FMNL2: variants seen among roughly 807,000 people sequenced by gnomAD.
The protein encoded by FMNL2 is formin like 2.
In FMNL2, 51 loss-of-function variants were observed where a neutral mutation model predicts 130.2. The ratio of observed to expected loss-of-function variants is 0.39; its 90% CI spans 0.31 to 0.49. FMNL2 has a LOEUF of 0.49. FMNL2 is among the 20% of genes least tolerant of loss of function. The pLI is 0.85. For synonymous variants in FMNL2, 465 were observed against 467.1 expected, an observed-to-expected ratio of 1.00 and a Z score of 0.06; for missense variants, 977 against 1,316.2, an observed-to-expected ratio of 0.74 and a Z score of 3.99.
In FMNL2 at chr2:152,631,454, A is replaced by C. The variant is rs553321631; in HGVS notation, c.2551-554A>C. Reference sequence around the variant, plus strand: ...TAAAACACGTTACTTGAACACAAACACTGCAATAGGCGGCAGTTAACCTGA... The same window carrying C: ...TAAAACACGTTACTTGAACACAAACCCTGCAATAGGCGGCAGTTAACCTGA... On this transcript the variant is annotated intron_variant, in intron 20 of 25. Coordinates refer to ENST00000288670, the MANE Select transcript of FMNL2 (RefSeq NM_052905.4). 2.0e-5 allele frequency among the ~76,000 whole-genome samples: 3 copies of C among 151,844 alleles called. No homozygotes were observed. In the South Asian group the frequency reaches 6.2e-4, roughly 32 times the overall value.
intron 1 of FMNL2, among the ~76,000 whole-genome samples, chr2:152,373,818 C>T (rs1193026560): frequency 1.3e-5 from 2 of 151,312 alleles, no homozygotes; most frequent in Non-Finnish European, 2.9e-5. Flanking sequence ...TTTAAACTCT[C>T]AGAAATCTGG....
intron 1 of FMNL2, among the ~76,000 whole-genome samples, chr2:152,469,341 C>T (rs1689730390): frequency 6.6e-6 from 1 of 152,204 alleles, no homozygotes; most frequent in South Asian, 2.1e-4. Flanking sequence ...CTCTGCATTG[C>T]CTTGGGACAC....
intron 1 of FMNL2, among the ~76,000 whole-genome samples, chr2:152,472,956 T>C (rs1238982876): frequency 6.6e-6 from 1 of 152,220 alleles, no homozygotes; most frequent in African/African-American, 2.4e-5. Flanking sequence ...GGCACTGTGA[T>C]GGCACATGGT....
intron 1 of FMNL2, among the ~76,000 whole-genome samples, chr2:152,448,002 G>C (rs1255812906): frequency 1.3e-5 from 2 of 152,110 alleles, no homozygotes; most frequent in Non-Finnish European, 2.9e-5. Context: ...TAATTTGATA[G>C]AGAATAAATT....
chr2:152,632,147 T>G lies in FMNL2; in HGVS notation c.2680+10T>G. The G allele has an allele frequency of 6.2e-7, 1 of 1,609,042 alleles. No homozygotes were observed. Reference sequence around the variant, plus strand: ...GAAAAAGCTGCTGCAGGTACTTGATTTCAGCTATTACCGTTCGTCTTGGGT... The same window carrying G: ...GAAAAAGCTGCTGCAGGTACTTGATGTCAGCTATTACCGTTCGTCTTGGGT... On this transcript the variant is annotated intron_variant, in intron 21 of 25. Transcript: ENST00000288670.
chr2:152,583,588 C>T (rs1696906786), intron 9 of FMNL2, among the ~76,000 whole-genome samples: 1 of 152,204 alleles, frequency 6.6e-6, no homozygotes, highest in East Asian at 1.9e-4. Flanking sequence ...ATGGTGCTAC[C>T]CATTTTTACC....
At chr2:152,356,801 T>C (rs1187324436) in intron 1 of FMNL2, among the ~76,000 whole-genome samples, 1 of 151,680 alleles carries the variant, frequency 6.6e-6, no homozygotes, top group Non-Finnish European at 1.5e-5. Context: ...TGAAGTGCTG[T>C]CCAGTGTTAA....
intron 1 of FMNL2, among the ~76,000 whole-genome samples, chr2:152,372,718 A>C (rs1579506404): frequency 6.6e-6 from 1 of 152,152 alleles, no homozygotes; most frequent in African/African-American, 2.4e-5. Context: ...TTGGCTGTTT[A>C]ATACCAATTA....
intron 1 of FMNL2, among the ~76,000 whole-genome samples, chr2:152,458,269 A>G (rs1689060680): frequency 6.6e-6 from 1 of 152,140 alleles, no homozygotes; most frequent in Non-Finnish European, 1.5e-5. Flanking sequence ...CCCATTTGAT[A>G]TATTATTCCC....
intron 1 of FMNL2, among the ~76,000 whole-genome samples, chr2:152,456,672 G>T (rs913269246): frequency 6.6e-6 from 1 of 152,106 alleles, no homozygotes; most frequent in African/African-American, 2.4e-5. Context: ...GGCCGGGCGC[G>T]GTAGCTCACG....
intron 1 of FMNL2, among the ~76,000 whole-genome samples, chr2:152,400,933 C>T (rs1685661095): frequency 6.6e-6 from 1 of 152,198 alleles, no homozygotes; most frequent in African/African-American, 2.4e-5. Flanking sequence ...AAACCACAGC[C>T]AGGGAGGAAT....
rs950228941 is a variant in FMNL2 at position 152,587,234 on chromosome 2, C to G, written c.876+6185C>G. Among the ~76,000 whole-genome samples the G allele has an allele frequency of 3.3e-5, 5 of 152,298 alleles. No individual in the cohort carries two copies. The East Asian group carries it at 9.6e-4, about 29-fold the overall frequency. On this transcript the variant is annotated intron_variant, in intron 9 of 25. Transcript: ENST00000288670. ...CTTAGAAGCCGTGTAGTGGTCACTT[C>G]TGCCATGTTATCTGGGTTCCCAGTG...
chr2:152,504,488 G>A (rs890814120), intron 1 of FMNL2, among the ~76,000 whole-genome samples: 2 of 151,660 alleles, frequency 1.3e-5, no homozygotes, highest in African/African-American at 4.8e-5. Flanking sequence ...TTCGTGATCC[G>A]CCTGCTTCGG....
At chr2:152,503,763 C>T (rs1431447399) in intron 1 of FMNL2, among the ~76,000 whole-genome samples, 1 of 152,086 alleles carries the variant, frequency 6.6e-6, no homozygotes, top group East Asian at 1.9e-4. Flanking sequence ...GAGTTCTTTA[C>T]TAAGGGTCAG....
At chr2:152,457,245 A>G (rs539737349) in intron 1 of FMNL2, among the ~76,000 whole-genome samples, 6 of 152,198 alleles carry the variant, frequency 3.9e-5, no homozygotes, top group Non-Finnish European at 5.9e-5. Context: ...AATGTCTACT[A>G]TGGTAGGATC....
chr2:152,443,043 A>G (rs1688135309), intron 1 of FMNL2, among the ~76,000 whole-genome samples: 2 of 152,210 alleles, frequency 1.3e-5, no homozygotes, highest in South Asian at 4.1e-4. Flanking sequence ...AATGACCTGA[A>G]AAATGTATCA....
intron 1 of FMNL2, among the ~76,000 whole-genome samples, chr2:152,429,511 T>G (rs574964179): frequency 6.6e-5 from 10 of 152,172 alleles, no homozygotes; most frequent in Non-Finnish European, 1.3e-4. Context: ...AGTATTTCAA[T>G]GTGCCAGCTA....
Position 152,469,679 on chromosome 2 carries a change from A to G in FMNL2, c.118-52264A>G, listed in dbSNP as rs80170643. Among the ~76,000 whole-genome samples the G allele has an allele frequency of 1.4e-4, 21 of 152,268 alleles. No individual in the cohort carries two copies. In the East Asian group the frequency reaches 4.1e-3, roughly 29 times the overall value. On this transcript the variant is annotated intron_variant, in intron 1 of 25. Coordinates refer to ENST00000288670, the MANE Select transcript of FMNL2 (RefSeq NM_052905.4). Reference sequence around the variant, plus strand: ...TCATCAATTGAAAATTCTTTGCTTAATTGAGCATGCAATTAAGAGTAAGGA... The same window carrying G: ...TCATCAATTGAAAATTCTTTGCTTAGTTGAGCATGCAATTAAGAGTAAGGA...
intron 1 of FMNL2, among the ~76,000 whole-genome samples, chr2:152,461,266 GA>G (rs1689227221): frequency 6.6e-6 from 1 of 152,136 alleles, no homozygotes. Context: ...ACAGATTTCG[GA>G]ATTATTTTTA....
Sources: gnomAD v4.1 joint callset for allele counts (sites outside exome capture counted in the v4.1 genomes callset) on GRCh38, gnomAD v4.1.1 for gene constraint, MANE v1.5 for transcripts, NCBI Gene and HGNC (gene_info 2026-07-23, HGNC 2026-07-21) for gene names.